The following ATXN7 variants were observed in gnomAD, a reference collection of about 807,000 sequenced individuals.
ATXN7 encodes the protein ataxin 7, also known as ataxin-7.
A neutral mutation model predicts 70.5 loss-of-function variants in ATXN7; 12 were observed. That is an observed-to-expected ratio of 0.17 (90% CI 0.11 to 0.28). The LOEUF (loss-of-function observed/expected upper bound fraction) is 0.28, where lower values mean the gene tolerates loss of function less well. ATXN7 is among the 10% of genes least tolerant of loss of function. The probability of loss-of-function intolerance (pLI) is 1.00; values close to 1 mark genes in which losing one functional copy is unlikely to be tolerated. For synonymous variants in ATXN7, 498 were observed against 448.7 expected, an observed-to-expected ratio of 1.11 and a Z score of -1.39; for missense variants, 1,256 against 1,131.7, an observed-to-expected ratio of 1.11 and a Z score of -1.58.
Position 63,977,951 on chromosome 3 carries a change from A to G in ATXN7, c.500-1964A>G, listed in dbSNP as rs566833778. ...TAGTTTGCAGTTGATGAAAATTTGGAAAACACTAATTCAAGACAAGTAGTA... is the reference window on the plus strand; with the variant it reads ...TAGTTTGCAGTTGATGAAAATTTGGGAAACACTAATTCAAGACAAGTAGTA... On this transcript the variant is annotated intron_variant, in intron 5 of 12. Coordinates refer to ENST00000674280, the MANE Select transcript of ATXN7 (RefSeq NM_001377405.1). Among the ~76,000 whole-genome samples, 4 of 152,360 alleles carry G rather than the reference A, an allele frequency of 2.6e-5. No individual in the cohort carries two copies. In the South Asian group the frequency reaches 8.3e-4, roughly 32 times the overall value.
intron 4 of ATXN7, among the ~76,000 whole-genome samples, chr3:63,920,688 G>T (rs1704478808): frequency 6.6e-6 from 1 of 151,898 alleles, no homozygotes; most frequent in African/African-American, 2.4e-5. Context: ...TTCTTTGAGG[G>T]GGAGGGGAAG....
At chr3:63,989,996 A>G (rs924974435) in intron 9 of ATXN7, among the ~76,000 whole-genome samples, 180 bp from the exon 10 acceptor site, 1 of 152,206 alleles carries the variant, frequency 6.6e-6, no homozygotes, top group African/African-American at 2.4e-5. Flanking sequence ...AACATCCTGC[A>G]GTTCAGGAGA....
chr3:63,917,866 G>C (rs1704344792), intron 4 of ATXN7, among the ~76,000 whole-genome samples: 1 of 152,208 alleles, frequency 6.6e-6, no homozygotes, highest in African/African-American at 2.4e-5. Flanking sequence ...GACTCCAAAA[G>C]AAGACAGTAT....
At chr3:63,995,184 T>C (rs560201566) in intron 11 of ATXN7, among the ~76,000 whole-genome samples, 80 of 151,648 alleles carry the variant, frequency 5.3e-4, no homozygotes, top group Non-Finnish European at 1.0e-3. Context: ...GAAGCTGGGG[T>C]ATTGGGTCAT....
At chr3:63,888,226 A>G (rs1703145972) in intron 1 of ATXN7, among the ~76,000 whole-genome samples, 2 of 152,156 alleles carry the variant, frequency 1.3e-5, no homozygotes, top group Admixed American at 6.5e-5. Flanking sequence ...ATATGTTTAT[A>G]ATTCAACATG....
chr3:63,885,774 T>C (rs1243918713), intron 1 of ATXN7, among the ~76,000 whole-genome samples: 1 of 152,166 alleles, frequency 6.6e-6, no homozygotes, highest in African/African-American at 2.4e-5. Flanking sequence ...CCCAGCACTT[T>C]GGGAGGCCAA....
intron 5 of ATXN7, among the ~76,000 whole-genome samples, chr3:63,965,308 C>G (rs1159721702): frequency 4.6e-5 from 7 of 152,270 alleles, no homozygotes; most frequent in African/African-American, 1.7e-4. Context: ...AGTATCAGTC[C>G]TTAGCTCTCC....
intron 11 of ATXN7, among the ~76,000 whole-genome samples, chr3:63,992,127 T>A (rs2075682059): frequency 6.6e-6 from 1 of 152,188 alleles, no homozygotes. Flanking sequence ...GTACATTCAT[T>A]TGACTCCCTG....
At chr3:63,943,490 A>G (rs2074805224) in intron 4 of ATXN7, among the ~76,000 whole-genome samples, 1 of 152,216 alleles carries the variant, frequency 6.6e-6, no homozygotes, top group Non-Finnish European at 1.5e-5. Flanking sequence ...AGTGGAGAAG[A>G]TGATAAAAAT....
chr3:63,881,476 G>A (rs567770494), intron 1 of ATXN7, among the ~76,000 whole-genome samples: 166 of 150,678 alleles, frequency 1.1e-3, no homozygotes, highest in Non-Finnish European at 1.9e-3. Context: ...GTTCATTGTG[G>A]TTGGAGCATT....
At chr3:63,965,530 C>T (rs929287520) in intron 5 of ATXN7, among the ~76,000 whole-genome samples, 3 of 152,124 alleles carry the variant, frequency 2.0e-5, no homozygotes, top group South Asian at 2.1e-4. Context: ...ATATAATTTT[C>T]GGTCAGTGAG....
At position 63,966,604 on chromosome 3, in the gene ATXN7, TG is replaced by T; in HGVS notation, c.500-13308del. 1.3e-5 allele frequency among the ~76,000 whole-genome samples: 2 copies of T among 152,252 alleles called. 1 individual carries two copies. Among genetic ancestry groups the T allele is most frequent in the South Asian group, 4.1e-4 (2 of 4,826 alleles). ...AAAAAGTGGGTTTCAGAAAACCCCC[TG>T]GGTCTTAGTATTGTTGACATGGGTT... On this transcript the variant is annotated intron_variant, in intron 5 of 12. Coordinates refer to ENST00000674280, the MANE Select transcript of ATXN7 (RefSeq NM_001377405.1).
chr3:63,872,834 C>G (rs899490830), intron 1 of ATXN7, among the ~76,000 whole-genome samples: 2 of 152,106 alleles, frequency 1.3e-5, no homozygotes, highest in African/African-American at 4.8e-5. Context: ...GATAACAGCT[C>G]TACATGTAGG....
At chr3:63,957,598 A>G (rs1018451620) in intron 5 of ATXN7, among the ~76,000 whole-genome samples, 1 of 152,210 alleles carries the variant, frequency 6.6e-6, no homozygotes, top group African/African-American at 2.4e-5. Context: ...AAATTATTTA[A>G]TTTTATGTTG....
chr3:63,934,779 G>A (rs1189056457), intron 4 of ATXN7, among the ~76,000 whole-genome samples: 1 of 152,142 alleles, frequency 6.6e-6, no homozygotes, highest in African/African-American at 2.4e-5. Context: ...TCCCCCATAG[G>A]GCTCTTACGA....
rs74617203 is a variant in ATXN7, at chr3:63,947,479, C to T, written c.395-4900C>T. Reference sequence around the variant, plus strand: ...GGTGCACACCTGTGATTACTCCTAGCTACTCAGGAGGCTGAGGTGGAAGGA... The same window carrying T: ...GGTGCACACCTGTGATTACTCCTAGTTACTCAGGAGGCTGAGGTGGAAGGA... On this transcript the variant is annotated intron_variant, in intron 4 of 12. Transcript: ENST00000674280. 5.2e-3 allele frequency among the ~76,000 whole-genome samples: 784 copies of T among 152,226 alleles called. 5 individuals are homozygous for T. Among genetic ancestry groups the T allele is most frequent in the African/African-American group, 0.018 (746 of 41,552 alleles).
chr3:63,910,965 C>T (rs1370274838), intron 2 of ATXN7, among the ~76,000 whole-genome samples: 1 of 151,942 alleles, frequency 6.6e-6, no homozygotes, highest in African/African-American at 2.4e-5. Flanking sequence ...CTTATGTAAA[C>T]TTCCTGTGTT....
intron 1 of ATXN7, among the ~76,000 whole-genome samples, chr3:63,870,865 G>T (rs1242115407): frequency 6.6e-6 from 1 of 152,092 alleles, no homozygotes; most frequent in Non-Finnish European, 1.5e-5. Context: ...TTCCTCTTGT[G>T]TTCTAACCCC....
chr3:63,939,377 G>A (rs1055135064), intron 4 of ATXN7, among the ~76,000 whole-genome samples: 2 of 152,136 alleles, frequency 1.3e-5, no homozygotes, highest in African/African-American at 4.8e-5. Context: ...TACTGCTGCA[G>A]ACAGCTCTTG....
Sources: allele counts gnomAD v4.1 joint callset (sites outside exome capture counted in the v4.1 genomes callset), GRCh38; gene constraint gnomAD v4.1.1; transcripts MANE v1.5; gene names NCBI Gene and HGNC (gene_info 2026-07-23, HGNC 2026-07-21).